The following CRACR2A variants were observed in gnomAD, a reference collection of about 807,000 sequenced individuals.
CRACR2A encodes the protein EF-hand calcium-binding domain-containing protein 4B.
In CRACR2A, 79 loss-of-function variants were observed where a neutral mutation model predicts 90.5. The ratio of observed to expected loss-of-function variants is 0.87; its 90% CI spans 0.73 to 1.05. The LOEUF is 1.05. Among genes scored for constraint, CRACR2A ranks in the 50% least tolerant of loss-of-function variants. CRACR2A has a pLI of 0.00. For missense variants in CRACR2A, 823 were observed against 897.2 expected (o/e 0.92, Z 1.06); for synonymous variants, 338 against 356.7 (o/e 0.95, Z 0.59).
rs34781905 is a variant in CRACR2A at position 3,671,184 on chromosome 12, A to G, written c.671+2262T>C. On this transcript the variant is annotated intron_variant, in intron 7 of 19. Coordinates refer to ENST00000440314, the MANE Select transcript of CRACR2A (RefSeq NM_001144958.2). ...CAGGCCAGCAGAGGAGGTCCTGCAGATGAGATGCCAGGCTAAGGCTGGGTA... is the reference window on the plus strand; with the variant it reads ...CAGGCCAGCAGAGGAGGTCCTGCAGGTGAGATGCCAGGCTAAGGCTGGGTA... Among the ~76,000 whole-genome samples, 574 of 152,268 alleles carry G rather than the reference A, an allele frequency of 3.8e-3. 2 individuals carry two copies. The highest frequency in any genetic ancestry group is 6.0e-3 in the Non-Finnish European group (407 of 68,026).
At chr12:3,679,342 A>G (rs1945402716) in intron 5 of CRACR2A, among the ~76,000 whole-genome samples, 2 of 152,218 alleles carry the variant, frequency 1.3e-5, no homozygotes, top group Admixed American at 1.3e-4. Context: ...TAAGACGGAT[A>G]CGGTGTCTCC....
At chr12:3,725,946 G>A (rs1334510686) in intron 2 of CRACR2A, 2 of 151,716 alleles carry the variant, frequency 1.3e-5, no homozygotes, top group African/African-American at 4.9e-5. Context: ...GAATCAGGCT[G>A]TCATCCATTG....
chr12:3,744,619 A>G (rs1231598834), intron 1 of CRACR2A, among the ~76,000 whole-genome samples: 6 of 152,224 alleles, frequency 3.9e-5, no homozygotes, highest in Non-Finnish European at 5.9e-5. Flanking sequence ...GGTTCTGTAC[A>G]AAGTACTTAG....
chr12:3,648,602 C>T lies in CRACR2A; in HGVS notation c.1058G>A (p.Arg353His), dbSNP rs763119535. ...LHQEKEMEVY[R>H]VTESLQREKA... is the part of the protein sequence containing the mutation. ...CTCACGCTGTAGACTCTCCGTCACA[C>T]GGTACACTTCCCTGAGGAGGAGGCA... Residue 353 changes from arginine to histidine, a missense_variant, in exon 11 of 20, where the codon CGT becomes CAT. Physicochemically the swap from Arg to His is conservative, Grantham distance 29. Coordinates refer to ENST00000440314, the MANE Select transcript of CRACR2A (RefSeq NM_001144958.2). The T allele has an allele frequency of 2.5e-5, 40 of 1,613,730 alleles. No homozygotes were observed. Among genetic ancestry groups the T allele is most frequent in the Middle Eastern group, 1.7e-4 (1 of 6,040 alleles).
chr12:3,672,658 G>T, intron 7 of CRACR2A: 1 of 645,124 alleles, frequency 1.6e-6, no homozygotes, highest in Non-Finnish European at 1.9e-6. Flanking sequence ...ACAGCACAGT[G>T]CCCATAACCA....
chr12:3,744,746 C>T (rs999671143), intron 1 of CRACR2A, among the ~76,000 whole-genome samples: 5 of 152,068 alleles, frequency 3.3e-5, no homozygotes, highest in African/African-American at 1.2e-4. Flanking sequence ...TTACCCAAGT[C>T]GACAGGACAT....
chr12:3,750,464 G>A (rs942822735), intron 1 of CRACR2A, among the ~76,000 whole-genome samples: 1 of 152,170 alleles, frequency 6.6e-6, no homozygotes, highest in Non-Finnish European at 1.5e-5. Flanking sequence ...GTAAGAGGCC[G>A]TGGACCTGCT....
chr12:3,734,732 C>A (rs1946423151), intron 1 of CRACR2A, among the ~76,000 whole-genome samples: 1 of 151,930 alleles, frequency 6.6e-6, no homozygotes, highest in South Asian at 2.1e-4. Context: ...GAACCTCGAA[C>A]CTTGAGGGCA....
chr12:3,706,389 A>G (rs76649353), intron 3 of CRACR2A, among the ~76,000 whole-genome samples: 1,790 of 152,292 alleles, frequency 0.012, 40 homozygotes, highest in African/African-American at 0.04. Context: ...GGAGAGTGTT[A>G]TTTATTTCTT....
chr12:3,637,379 C>T (rs997720992), intron 14 of CRACR2A, among the ~76,000 whole-genome samples: 4 of 152,168 alleles, frequency 2.6e-5, no homozygotes, highest in Admixed American at 2.0e-4. Flanking sequence ...GAATCTGAAT[C>T]GGAAGAGAGA....
At chr12:3,706,476 A>G (rs1361535275) in intron 3 of CRACR2A, among the ~76,000 whole-genome samples, 1 of 152,228 alleles carries the variant, frequency 6.6e-6, no homozygotes, top group Admixed American at 6.5e-5. Flanking sequence ...GTGGATAAGA[A>G]CATAAATTCC....
intron 1 of CRACR2A, among the ~76,000 whole-genome samples, chr12:3,739,925 C>T (rs1946500000): frequency 1.2e-5 from 1 of 81,576 alleles, no homozygotes; most frequent in Non-Finnish European, 2.7e-5. Context: ...AGAGCGACTC[C>T]GTCTCAAAAA....
intron 4 of CRACR2A, among the ~76,000 whole-genome samples, chr12:3,687,665 T>A (rs1161138585): frequency 6.6e-6 from 1 of 152,214 alleles, no homozygotes; most frequent in Admixed American, 6.5e-5. Context: ...CACATACATG[T>A]GTCTTTGTGT....
intron 13 of CRACR2A, chr12:3,640,812 G>A: frequency 7.7e-7 from 1 of 1,304,750 alleles, no homozygotes; most frequent in Non-Finnish European, 1.0e-6. Flanking sequence ...AAAATGAAGA[G>A]TGGGCAGGGG....
chr12:3,714,702 G>C (rs1477278026), intron 2 of CRACR2A, among the ~76,000 whole-genome samples: 1 of 152,130 alleles, frequency 6.6e-6, no homozygotes, highest in South Asian at 2.1e-4. Context: ...TTGCAATAAG[G>C]AGAGAAAAAT....
chr12:3,720,416 G>GAAGAAAAAGAAAGAAAGAAAGAAAGA (rs1395795980), intron 2 of CRACR2A, among the ~76,000 whole-genome samples: 19 of 106,634 alleles, frequency 1.8e-4, no homozygotes, highest in African/African-American at 6.7e-4. Context: ...TGAGAGAGAG[G>GAAGAAAAAGAAAGAAAGAAAGAAAGA]AAGAAAGAAA....
At chr12:3,693,088 C>T (rs897834202) in intron 4 of CRACR2A, among the ~76,000 whole-genome samples, 9 of 152,170 alleles carry the variant, frequency 5.9e-5, no homozygotes, top group African/African-American at 2.2e-4. Context: ...GGTGCATGCA[C>T]ACGTGCGTGC....
intron 17 of CRACR2A, among the ~76,000 whole-genome samples, chr12:3,624,595 G>C (rs1944219662): frequency 6.6e-6 from 1 of 152,194 alleles, no homozygotes; most frequent in Admixed American, 6.5e-5. Flanking sequence ...CTGCTGAACT[G>C]AACGCATTGC....
chr12:3,684,071 T>A (rs1162895754), intron 4 of CRACR2A, among the ~76,000 whole-genome samples: 2 of 152,212 alleles, frequency 1.3e-5, no homozygotes, highest in African/African-American at 4.8e-5. Flanking sequence ...ACCAGCCCAG[T>A]AACATACCCC....
Sources: allele counts gnomAD v4.1 joint callset (sites outside exome capture counted in the v4.1 genomes callset), GRCh38; gene constraint gnomAD v4.1.1; transcripts MANE v1.5; gene names NCBI Gene and HGNC (gene_info 2026-07-23, HGNC 2026-07-21).